Variants in TRIM63 observed in about 807,000 individuals in gnomAD.
TRIM63 encodes tripartite motif containing 63.
Under a neutral mutation model 46.0 loss-of-function variants are expected in TRIM63, and 48 were observed. That is an observed-to-expected ratio of 1.04 (90% confidence interval 0.83 to 1.33). The LOEUF is 1.33. Among genes scored for constraint, TRIM63 ranks in the 40% most tolerant of loss-of-function variants. The probability of loss-of-function intolerance (pLI) is 0.00; values close to 1 mark genes in which losing one functional copy is unlikely to be tolerated. For synonymous variants in TRIM63, 175 were observed against 162.8 expected (o/e 1.08, Z -0.57); for missense variants, 455 against 441.2 (o/e 1.03, Z -0.28).
intron 5 of TRIM63, 47 bp downstream of exon 5, chr1:26,058,343 C>A: frequency 1.3e-6 from 2 of 1,531,898 alleles, no homozygotes; most frequent in Non-Finnish European, 1.8e-6. Context: ...AACCTTAGAG[C>A]TGTAGAGTTG....
chr1:26,066,248 C>T lies in TRIM63; in HGVS notation c.332+20G>A. 1 of 1,613,522 alleles carries T rather than the reference C, an allele frequency of 6.2e-7. No individual in the cohort carries two copies. The highest frequency in any genetic ancestry group is 8.5e-7 in the Non-Finnish European group (1 of 1,179,886). ...ATGGCTGGGAAGGAGGGCGGGCCCCCAGCAGGCACGAGAACCGACCTGGAG... is the reference window on the plus strand; with the variant it reads ...ATGGCTGGGAAGGAGGGCGGGCCCCTAGCAGGCACGAGAACCGACCTGGAG... On this transcript the variant is annotated intron_variant, in intron 2 of 8. Transcript: ENST00000374272.
chr1:26,057,099 A>G, intron 7 of TRIM63, 104 bp downstream of exon 7: 1 of 1,414,984 alleles, frequency 7.1e-7, no homozygotes, highest in Non-Finnish European at 9.6e-7. Context: ...ATATTTGGGG[A>G]TCTTTATTAG....
intron 7 of TRIM63, among the ~76,000 whole-genome samples, chr1:26,055,320 T>A (rs1457089027): frequency 6.6e-6 from 1 of 152,158 alleles, no homozygotes; most frequent in Admixed American, 6.5e-5. Flanking sequence ...TGAAGTTGTG[T>A]TAAATGATAA....
intron 1 of TRIM63, among the ~76,000 whole-genome samples, chr1:26,066,879 G>A (rs1386744027): frequency 1.3e-5 from 2 of 151,718 alleles, no homozygotes; most frequent in African/African-American, 4.8e-5. Context: ...GGGAGTTGGA[G>A]CCCCTTCTGC....
intron 1 of TRIM63, among the ~76,000 whole-genome samples, 197 bp from the exon 2 acceptor site, chr1:26,066,637 G>A (rs1162379846): frequency 6.6e-6 from 1 of 152,150 alleles, no homozygotes. Context: ...GTCAGGATGG[G>A]GAGGCAGGAG....
rs184298281 is a variant in TRIM63 at position 26,061,118 on chromosome 1, C to T, written c.501+48G>A. On this transcript the variant is annotated intron_variant, in intron 3 of 8. Transcript: ENST00000374272. ...AAATCTGCCTCCTGAATCATCAGGC[C>T]GTGCCCAGCAGGCCCAGGCTGGGGG... 127 of 1,590,404 alleles carry T rather than the reference C, an allele frequency of 8.0e-5. 1 individual carries two copies. In the Middle Eastern group the frequency reaches 1.8e-3, roughly 23 times the overall value.
rs186811368 is a variant in TRIM63 at position 26,054,173 on chromosome 1, C to T, written c.980-209G>A. Among the ~76,000 whole-genome samples, 3 of 152,340 alleles carry T rather than the reference C, an allele frequency of 2.0e-5. No homozygotes were observed. In the East Asian group the frequency reaches 5.8e-4, roughly 29 times the overall value. The stretch of plus-strand genomic sequence containing the variant: ...CCTGCTCCTGCAATCCCCCGCACTC[C>T]GTCCCAGGGAGCTGGGCTCAAGTCA... On this transcript the variant is annotated intron_variant, in intron 7 of 8. Transcript: ENST00000374272.
chr1:26,060,435 C>G, intron 3 of TRIM63, 74 bp from the exon 4 acceptor site: 1 of 1,143,914 alleles, frequency 8.7e-7, no homozygotes, highest in South Asian at 1.3e-5. Flanking sequence ...GGCATGGCAG[C>G]AACATGGCTT....
chr1:26,061,067 G>A, intron 3 of TRIM63, 99 bp downstream of exon 3: 1 of 1,327,370 alleles, frequency 7.5e-7, no homozygotes. Context: ...TTCCTGAAAG[G>A]CCAGATCAGC....
Position 26,067,348 on chromosome 1 carries a change from A to G in TRIM63, c.147T>C (p.Asn49=), listed in dbSNP as rs2050687637. The change falls in exon 1 of 9, where the codon AAT becomes AAC. Residue 49 remains asparagine, a synonymous_variant. Coordinates refer to ENST00000374272, the MANE Select transcript of TRIM63 (RefSeq NM_032588.4). ...CQHNLCRKCA[N]DIFQAANPYW... is the part of the protein sequence containing the mutation. The stretch of plus-strand genomic sequence containing the variant: ...ACCCGGCACTTACCTGGAAGATGTC[A>G]TTGGCACACTTCCGGCACAGGTTGT... The G allele has an allele frequency of 6.2e-7, 1 of 1,614,064 alleles. No homozygotes were observed. Among genetic ancestry groups the G allele is most frequent in the Non-Finnish European group, 8.5e-7 (1 of 1,180,010 alleles).
chr1:26,051,945 C>T (rs1366234346), intron 8 of TRIM63, 62 bp from the exon 9 acceptor site: 1 of 1,258,694 alleles, frequency 7.9e-7, no homozygotes, highest in Admixed American at 3.1e-5. Context: ...GGATCCAAGG[C>T]TTACCAAGCT....
intron 3 of TRIM63, 123 bp from the exon 4 acceptor site, chr1:26,060,484 G>A: frequency 2.9e-6 from 2 of 687,426 alleles, no homozygotes; most frequent in Non-Finnish European, 5.2e-6. Context: ...CTCCAGTAGG[G>A]ATCTGGCCCC....
chr1:26,051,902 TAC>T lies in TRIM63; in HGVS notation c.1052-21_1052-20del, dbSNP rs768795582. On this transcript the variant is annotated intron_variant, in intron 8 of 8. Coordinates refer to ENST00000374272, the MANE Select transcript of TRIM63 (RefSeq NM_032588.4). ...TGGTGTCCTGAAATGAAGAAAAAGA[TAC>T]AGAGGCAAGGGGTGAGACAGGGACT... The T allele has an allele frequency of 3.2e-4, 417 of 1,316,896 alleles. 1 individual carries two copies. Among genetic ancestry groups the T allele is most frequent in the Non-Finnish European group, 4.0e-4 (409 of 1,023,910 alleles). 81.6% of individuals were successfully genotyped at this position (1,316,896 alleles called of 1,614,324 possible). A position where few individuals can be genotyped will look rare whatever the true frequency, so the allele number is the denominator to read the frequency against.
At chr1:26,066,514 C>T (rs1327985659) in intron 1 of TRIM63, 74 bp from the exon 2 acceptor site, 3 of 1,376,608 alleles carry the variant, frequency 2.2e-6, no homozygotes, top group Non-Finnish European at 2.9e-6. Flanking sequence ...TCCTCTTATC[C>T]TTTCCTCTGC....
At chr1:26,064,792 G>C (rs2050661505) in intron 2 of TRIM63, among the ~76,000 whole-genome samples, 1 of 152,212 alleles carries the variant, frequency 6.6e-6, no homozygotes, top group South Asian at 2.1e-4. Context: ...ATTAGTCACA[G>C]AGGCTGACTA....
chr1:26,061,110 C>T, intron 3 of TRIM63, 56 bp downstream of exon 3: 1 of 1,574,624 alleles, frequency 6.4e-7, no homozygotes. Flanking sequence ...CCTCCTGAAT[C>T]ATCAGGCCGT....
rs181060448 is a variant in TRIM63 at position 26,067,103 on chromosome 1, G to A, written c.159+233C>T. ...AGTCAACAGCAGTGCTCAGGGCAGG[G>A]GTGGGGGAGCTGTGGGCAGGGCAGG... On this transcript the variant is annotated intron_variant, in intron 1 of 8. Transcript: ENST00000374272. 1.8e-3 allele frequency among the ~76,000 whole-genome samples: 274 copies of A among 152,102 alleles called. 3 individuals carry two copies. The highest frequency in any genetic ancestry group is 1.5e-3 in the Non-Finnish European group (105 of 68,002).
In TRIM63 at chr1:26,060,280, G is replaced by T; in HGVS notation, c.583C>A (p.Arg195Ser). Residue 195 changes from arginine (R) to serine (S), a missense_variant, in exon 4 of 9, where the codon CGT (arginine) becomes AGT (serine). Physicochemically the swap from Arg to Ser is moderately radical, Grantham distance 110. Transcript: ENST00000374272. ...QTIITQLEDS[R>S]RVTKENSHQV... ...TGTCCGCTCACCTTGGTCACTCGACGGGAATCCTCCAGCTGAGTGATGATG... is the reference window on the plus strand; with the variant it reads ...TGTCCGCTCACCTTGGTCACTCGACTGGAATCCTCCAGCTGAGTGATGATG... 1 of 1,613,776 alleles carries T rather than the reference G, an allele frequency of 6.2e-7. No homozygotes were observed. The highest frequency in any genetic ancestry group is 8.5e-7 in the Non-Finnish European group (1 of 1,179,866).
At chr1:26,065,753 C>A (rs369746927) in intron 2 of TRIM63, among the ~76,000 whole-genome samples, 54 of 152,302 alleles carry the variant, frequency 3.5e-4, no homozygotes, top group Middle Eastern at 3.4e-3. Flanking sequence ...AGCTGGGAAA[C>A]CTTAGCTAAT....
Sources: allele counts gnomAD v4.1 joint callset (sites outside exome capture counted in the v4.1 genomes callset), GRCh38; gene constraint gnomAD v4.1.1; transcripts MANE v1.5; gene names NCBI Gene and HGNC (gene_info 2026-07-23, HGNC 2026-07-21).